NEGR1: variants seen among roughly 807,000 people sequenced by gnomAD.
NEGR1 encodes the protein IgLON family member 4.
Under a neutral mutation model 40.9 loss-of-function variants are expected in NEGR1, and 10 were observed. The ratio of observed to expected loss-of-function variants is 0.24; its 90% CI spans 0.15 to 0.42. The LOEUF is 0.42. Ranked by LOEUF, NEGR1 falls within the 10% of genes least tolerant of loss-of-function variation. The probability of loss-of-function intolerance (pLI) is 1.00; values close to 1 mark genes in which losing one functional copy is unlikely to be tolerated. For missense variants in NEGR1, 352 were observed against 438.9 expected (o/e 0.80, Z 1.77); for synonymous variants, 185 against 166.8 (o/e 1.11, Z -0.84).
intron 6 of NEGR1, among the ~76,000 whole-genome samples, chr1:71,484,596 G>A (rs1415303496): frequency 6.6e-6 from 1 of 151,732 alleles, no homozygotes; most frequent in Non-Finnish European, 1.5e-5. Context: ...AATATTACCA[G>A]AAAGTGTGTG....
intron 1 of NEGR1, among the ~76,000 whole-genome samples, chr1:72,074,569 A>C (rs1422948234): frequency 6.6e-6 from 1 of 152,128 alleles, no homozygotes; most frequent in Non-Finnish European, 1.5e-5. Flanking sequence ...TCATTAAAAA[A>C]GCGTTGACTT....
intron 2 of NEGR1, among the ~76,000 whole-genome samples, chr1:71,855,808 T>A (rs1275412945): frequency 6.6e-6 from 1 of 152,056 alleles, no homozygotes; most frequent in South Asian, 2.1e-4. Context: ...AAATTATTTC[T>A]ATTAGGAAAG....
chr1:71,407,480 C>T lies in NEGR1; in HGVS notation c.1031G>A (p.Ser344Asn). 1.2e-6 allele frequency: 2 copies of T among 1,612,042 alleles called. No homozygotes were observed. Among genetic ancestry groups the T allele is most frequent in the South Asian group, 1.1e-5 (1 of 91,006 alleles). ...AATGGCATTCTTCAGGTAGAATATG[C>T]TGGTGAAAGAGGACAGTGTCAACAC... ...YLVLTLSSFT[S>N]IFYLKNAILQ The change falls in exon 7 of 7, where the codon AGC (serine) becomes AAC (asparagine). Residue 344 changes from serine (S) to asparagine (N), a missense_variant. Coordinates refer to ENST00000357731, the MANE Select transcript of NEGR1 (RefSeq NM_173808.3).
chr1:71,762,358 A>G (rs927973496), intron 3 of NEGR1, among the ~76,000 whole-genome samples: 1 of 152,072 alleles, frequency 6.6e-6, no homozygotes, highest in Non-Finnish European at 1.5e-5. Flanking sequence ...TAAATACATC[A>G]ATCAAAATAG....
At chr1:71,727,670 G>T (rs576811374) in intron 3 of NEGR1, among the ~76,000 whole-genome samples, 14 of 152,260 alleles carry the variant, frequency 9.2e-5, no homozygotes, top group African/African-American at 2.9e-4. Flanking sequence ...AGTCCTCAGA[G>T]TGGAGTGCAC....
chr1:71,681,595 T>A (rs1363838950), intron 4 of NEGR1, among the ~76,000 whole-genome samples: 3 of 152,186 alleles, frequency 2.0e-5, no homozygotes, highest in Non-Finnish European at 4.4e-5. Flanking sequence ...TTTTTAATCC[T>A]GGTTGCATTC....
At chr1:71,639,891 A>G (rs1390404278) in intron 4 of NEGR1, among the ~76,000 whole-genome samples, 1 of 151,944 alleles carries the variant, frequency 6.6e-6, no homozygotes, top group Non-Finnish European at 1.5e-5. Flanking sequence ...AAATCAGGCC[A>G]CTCTTCTTAA....
At chr1:71,439,047 C>G (rs17091215) in intron 6 of NEGR1, among the ~76,000 whole-genome samples, 12,013 of 152,160 alleles carry the variant, frequency 0.079, 516 homozygotes, top group East Asian at 0.12. Context: ...ATCAAAGCTC[C>G]CCCATGATCT....
chr1:71,745,786 C>CCAAA (rs1003949881), intron 3 of NEGR1, among the ~76,000 whole-genome samples: 5 of 152,084 alleles, frequency 3.3e-5, no homozygotes, highest in South Asian at 4.1e-4. Context: ...ATGTCAAAAA[C>CCAAA]CAAACAAACA....
In NEGR1 at chr1:71,746,776, A is replaced by G. The variant is rs542923526; in HGVS notation, c.535+29396T>C. Among the ~76,000 whole-genome samples, 809 of 144,336 alleles carry G rather than the reference A, an allele frequency of 5.6e-3. 12 individuals carry two copies. The highest frequency in any genetic ancestry group is 0.022 in the African/African-American group (746 of 34,512). The allele number at this position is 144,336 out of a possible 152,430, so 94.7% of individuals were successfully genotyped here. ...CACACGCGTACACACACACACGCAC[A>G]CACACACACACACACACAGATTTCT... On this transcript the variant is annotated intron_variant, in intron 3 of 6. Coordinates refer to ENST00000357731, the MANE Select transcript of NEGR1 (RefSeq NM_173808.3).
rs114892871 is a variant in NEGR1 at position 71,847,075 on chromosome 1, A to G, written c.410-70778T>C. On this transcript the variant is annotated intron_variant, in intron 2 of 6. Coordinates refer to ENST00000357731, the MANE Select transcript of NEGR1 (RefSeq NM_173808.3). ...CATTACTACTCTGTATACCACTCCA[A>G]TCAAATCCCCCCATCTCACAGTATA... is the stretch of plus-strand genomic sequence containing the variant. Among the ~76,000 whole-genome samples, 851 of 152,140 alleles carry G rather than the reference A, an allele frequency of 5.6e-3. 7 individuals are homozygous for G. The highest frequency in any genetic ancestry group is 0.02 in the African/African-American group (816 of 41,522).
intron 6 of NEGR1, among the ~76,000 whole-genome samples, chr1:71,491,029 C>T (rs1202845246): frequency 2.6e-5 from 4 of 151,924 alleles, no homozygotes; most frequent in Admixed American, 6.6e-5. Context: ...CAAGTGCTCA[C>T]GTAATGTTTA....
intron 1 of NEGR1, among the ~76,000 whole-genome samples, chr1:72,081,564 G>C (rs573685249): frequency 6.6e-6 from 1 of 152,072 alleles, no homozygotes; most frequent in Non-Finnish European, 1.5e-5. Flanking sequence ...TAGACTATGA[G>C]CATCATGAGT....
At chr1:72,207,279 G>C (rs1221938773) in intron 1 of NEGR1, among the ~76,000 whole-genome samples, 4 of 151,688 alleles carry the variant, frequency 2.6e-5, no homozygotes, top group Non-Finnish European at 5.9e-5. Context: ...TTACTTCATA[G>C]GATTAAGTGC....
At chr1:72,258,495 G>A (rs1655350615) in intron 1 of NEGR1, among the ~76,000 whole-genome samples, 1 of 152,092 alleles carries the variant, frequency 6.6e-6, no homozygotes, top group Non-Finnish European at 1.5e-5. Flanking sequence ...GAAAAAAGCT[G>A]TAGAAAATAG....
chr1:72,061,532 A>G (rs1385858514), intron 1 of NEGR1, among the ~76,000 whole-genome samples: 1 of 151,800 alleles, frequency 6.6e-6, no homozygotes, highest in African/African-American at 2.4e-5. Flanking sequence ...TTCAACACCC[A>G]GCACTTAGCA....
intron 2 of NEGR1, among the ~76,000 whole-genome samples, chr1:71,806,082 C>G (rs144023658): frequency 6.6e-6 from 1 of 151,914 alleles, no homozygotes; most frequent in African/African-American, 2.4e-5. Context: ...GCAATAAATA[C>G]AAAAATACAA....
chr1:71,597,736 G>A (rs545756762), intron 5 of NEGR1, among the ~76,000 whole-genome samples: 40 of 151,480 alleles, frequency 2.6e-4, no homozygotes, highest in African/African-American at 3.6e-4. Context: ...GTGAAACCTC[G>A]TTTCTACTAA....
intron 6 of NEGR1, among the ~76,000 whole-genome samples, chr1:71,551,572 G>T (rs1570019451): frequency 6.6e-6 from 1 of 151,656 alleles, no homozygotes; most frequent in East Asian, 2.0e-4. Context: ...TGTTTAGACA[G>T]CTATACAATG....
Sources: gnomAD v4.1 joint callset for allele counts (sites outside exome capture counted in the v4.1 genomes callset) on GRCh38, gnomAD v4.1.1 for gene constraint, MANE v1.5 for transcripts, NCBI Gene and HGNC (gene_info 2026-07-23, HGNC 2026-07-21) for gene names.